NBEA: variants seen among roughly 807,000 people sequenced by gnomAD.
NBEA encodes neurobeachin.
Under a neutral mutation model 343.4 loss-of-function variants are expected in NBEA, and 44 were observed. The observed-to-expected ratio is 0.13, with a 90% CI of 0.10 to 0.16. The LOEUF is 0.16. Among genes scored for constraint, NBEA ranks in the 10% least tolerant of loss-of-function variants. NBEA has a pLI of 1.00. For synonymous variants in NBEA, 1,175 were observed against 1,238.7 expected (o/e 0.95, Z 1.08); for missense variants, 2,555 against 3,631.3 (o/e 0.70, Z 7.62).
chr13:35,252,660 G>A (rs2032118476), intron 34 of NBEA, among the ~76,000 whole-genome samples: 1 of 152,144 alleles, frequency 6.6e-6, no homozygotes, highest in African/African-American at 2.4e-5. Context: ...GCAGGCCTCA[G>A]TTTTACTAGC....
chr13:35,201,158 C>T (rs2072995099), intron 31 of NBEA, among the ~76,000 whole-genome samples: 1 of 151,878 alleles, frequency 6.6e-6, no homozygotes, highest in African/African-American at 2.4e-5. Flanking sequence ...TGCAAGTGCC[C>T]TGAGTATATA....
chr13:35,489,982 C>T (rs1428919085), intron 41 of NBEA, among the ~76,000 whole-genome samples: 1 of 151,900 alleles, frequency 6.6e-6, no homozygotes, highest in Non-Finnish European at 1.5e-5. Flanking sequence ...TGTTTCTTTA[C>T]GTGCCCTCAC....
At chr13:35,261,113 A>C (rs2033170311) in intron 34 of NBEA, among the ~76,000 whole-genome samples, 1 of 152,234 alleles carries the variant, frequency 6.6e-6, no homozygotes, top group African/African-American at 2.4e-5. Flanking sequence ...AAAATGAAGC[A>C]CATTACTGAA....
chr13:35,508,570 C>A (rs1233926249), intron 41 of NBEA, among the ~76,000 whole-genome samples: 1 of 152,004 alleles, frequency 6.6e-6, no homozygotes, highest in Non-Finnish European at 1.5e-5. Context: ...CATTTGTGAA[C>A]TGACTGGATG....
At chr13:35,234,139 G>A (rs1284159690) in intron 34 of NBEA, among the ~76,000 whole-genome samples, 1 of 152,092 alleles carries the variant, frequency 6.6e-6, no homozygotes, top group Non-Finnish European at 1.5e-5. Context: ...GGGCCAGAGA[G>A]GTAATGGGTT....
intron 17 of NBEA, among the ~76,000 whole-genome samples, chr13:35,136,156 A>T (rs1192287811): frequency 6.6e-6 from 1 of 151,902 alleles, no homozygotes. Context: ...ATTGACAGCG[A>T]AAAAAAAGAA....
intron 47 of NBEA, among the ~76,000 whole-genome samples, chr13:35,594,625 A>T (rs1208086877): frequency 6.6e-6 from 1 of 152,066 alleles, no homozygotes; most frequent in Non-Finnish European, 1.5e-5. Flanking sequence ...TGAGACTTAA[A>T]CTCTAAAATA....
intron 38 of NBEA, among the ~76,000 whole-genome samples, chr13:35,382,989 G>A (rs941147086): frequency 2.0e-5 from 3 of 152,068 alleles, no homozygotes; most frequent in Non-Finnish European, 4.4e-5. Context: ...AGACCAGCAG[G>A]CACTAATTGA....
chr13:34,976,654 G>GTT (rs766823932), intron 1 of NBEA, among the ~76,000 whole-genome samples: 18 of 127,796 alleles, frequency 1.4e-4, no homozygotes, highest in African/African-American at 2.9e-4. Context: ...TTTGTTTTTT[G>GTT]TTTTTTTTTT....
chr13:35,474,272 A>G (rs965304435), intron 41 of NBEA: 3 of 152,648 alleles, frequency 2.0e-5, no homozygotes, highest in African/African-American at 7.2e-5. Flanking sequence ...CTAAATCACA[A>G]AAGTAATTAT....
intron 2 of NBEA, among the ~76,000 whole-genome samples, chr13:35,042,116 G>GA (rs2062674679): frequency 6.6e-6 from 1 of 151,752 alleles, no homozygotes; most frequent in Admixed American, 6.6e-5. Context: ...AGAATGGAAT[G>GA]AAAAATGGCT....
intron 41 of NBEA, among the ~76,000 whole-genome samples, chr13:35,504,468 A>G (rs918627501): frequency 1.3e-5 from 2 of 152,166 alleles, no homozygotes; most frequent in African/African-American, 4.8e-5. Context: ...GTTTTGTCTC[A>G]TCTCACACCC....
intron 41 of NBEA, among the ~76,000 whole-genome samples, chr13:35,495,815 TGGA>T: frequency 6.6e-6 from 1 of 151,972 alleles, no homozygotes; most frequent in Non-Finnish European, 1.5e-5. Flanking sequence ...TTTGACACAA[TGGA>T]ATTAAAAATC....
At chr13:35,540,129 A>C (rs1273409262) in intron 41 of NBEA, among the ~76,000 whole-genome samples, 2 of 152,046 alleles carry the variant, frequency 1.3e-5, no homozygotes, top group Non-Finnish European at 2.9e-5. Flanking sequence ...TTTTAAAAAG[A>C]GAAAATAATT....
chr13:35,438,647 T>C (rs1025435292), intron 39 of NBEA, among the ~76,000 whole-genome samples: 8 of 152,220 alleles, frequency 5.3e-5, no homozygotes, highest in Non-Finnish European at 1.5e-5. Context: ...ATAGGTAATC[T>C]GGTTATGGTT....
Position 35,302,204 on chromosome 13 carries a change from A to T in NBEA, c.5839-7324A>T, listed in dbSNP as rs371818507. Among the ~76,000 whole-genome samples, 229 of 152,234 alleles carry T rather than the reference A, an allele frequency of 1.5e-3. 1 individual carries two copies. The highest frequency in any genetic ancestry group is 5.4e-3 in the African/African-American group (224 of 41,544). On this transcript the variant is annotated intron_variant, in intron 35 of 58. Coordinates refer to ENST00000379939, the MANE Select transcript of NBEA (RefSeq NM_001385012.1). ...ATTAGATTACTTTAGATAATTTTTT[A>T]ATTTTTTGTTTTCCTCTCAGGCTCC...
chr13:35,286,605 G>A (rs1453247263), intron 34 of NBEA, among the ~76,000 whole-genome samples: 2 of 152,036 alleles, frequency 1.3e-5, no homozygotes, highest in Admixed American at 6.6e-5. Flanking sequence ...AGTTAGACCC[G>A]CAGATTGACT....
chr13:35,034,687 T>C (rs2062373542), intron 1 of NBEA, among the ~76,000 whole-genome samples: 1 of 151,884 alleles, frequency 6.6e-6, no homozygotes, highest in African/African-American at 2.4e-5. Flanking sequence ...TGGGAGACTT[T>C]TATTACAACT....
At position 35,069,956 on chromosome 13, in the gene NBEA, C is replaced by A. The variant is rs2152573881; in HGVS notation, c.1288C>A (p.His430Asn). The A allele has an allele frequency of 6.3e-7, 1 of 1,598,332 alleles. No individual in the cohort carries two copies. Among genetic ancestry groups the A allele is most frequent in the Non-Finnish European group, 8.5e-7 (1 of 1,172,258 alleles). ...SESDIHLAEH[H>N]KQVLYDGKLA... is the part of the protein sequence containing the mutation. ...GAGTGATATTCATTTGGCAGAACAT[C>A]ATAAACAGGTGTTATATGATGGGAA... Residue 430 changes from histidine (H) to asparagine (N), a missense_variant, in exon 9 of 59, where the codon CAT (histidine) becomes AAT (asparagine). This residue lies in a region of NBEA where 75 missense variants were observed against 237.4 expected (regional missense o/e 0.32). Transcript: ENST00000379939.
Sources: gnomAD v4.1 joint callset for allele counts (sites outside exome capture counted in the v4.1 genomes callset) on GRCh38, gnomAD v4.1.1 for gene constraint, gnomAD v4.1.1 regional missense constraint, MANE v1.5 for transcripts, NCBI Gene and HGNC (gene_info 2026-07-23, HGNC 2026-07-21) for gene names.